MYO1H: variants seen among roughly 807,000 people sequenced by gnomAD.
MYO1H encodes the protein myosin IH.
Under a neutral mutation model 149.3 loss-of-function variants are expected in MYO1H, and 118 were observed. That is an observed-to-expected ratio of 0.79 (90% CI 0.68 to 0.92). MYO1H has a LOEUF of 0.92. Among genes scored for constraint, MYO1H ranks in the 40% least tolerant of loss-of-function variants. The pLI is 0.00. For missense variants in MYO1H, 1,212 were observed against 1,280.7 expected (o/e 0.95, Z 0.82); for synonymous variants, 447 against 465.2 (o/e 0.96, Z 0.50).
At chr12:109,390,211 C>CTT (rs545265874) in intron 2 of MYO1H, among the ~76,000 whole-genome samples, 47 of 139,790 alleles carry the variant, frequency 3.4e-4, no homozygotes, top group African/African-American at 5.2e-4. Context: ...ATCTTTTTTT[C>CTT]TTTTTTTTTT....
intron 1 of MYO1H, among the ~76,000 whole-genome samples, chr12:109,362,249 C>T (rs1259454679): frequency 1.3e-5 from 2 of 152,146 alleles, no homozygotes; most frequent in South Asian, 2.1e-4. Context: ...GGCAGGACTC[C>T]GTTAACTGTG....
intron 19 of MYO1H, among the ~76,000 whole-genome samples, chr12:109,428,691 T>C (rs769223804): frequency 3.3e-5 from 5 of 152,218 alleles, no homozygotes; most frequent in Non-Finnish European, 7.3e-5. Context: ...TTTTCCTGGA[T>C]GTACCTCCTT....
upstream of MYO1H, among the ~76,000 whole-genome samples, chr12:109,345,317 C>A (rs891856617): frequency 1.4e-4 from 21 of 151,974 alleles, no homozygotes; most frequent in African/African-American, 5.1e-4. Flanking sequence ...GACAGTTCTC[C>A]AAAAAAGGTA....
chr12:109,414,904 G>A (rs1462561824), intron 14 of MYO1H, among the ~76,000 whole-genome samples: 3 of 151,910 alleles, frequency 2.0e-5, no homozygotes, highest in African/African-American at 7.3e-5. Flanking sequence ...TAAAGACAGG[G>A]TCTTGCTGTG....
intron 1 of MYO1H, among the ~76,000 whole-genome samples, chr12:109,360,057 C>T (rs1399226015): frequency 1.3e-5 from 2 of 152,086 alleles, no homozygotes; most frequent in Non-Finnish European, 2.9e-5. Context: ...AGCAAGAGGT[C>T]CCAGGAATGG....
exon 32 of MYO1H, chr12:109,447,405 AC>A: frequency 1.7e-6 from 1 of 600,990 alleles, no homozygotes. Context: ...CTGGAAGCAG[AC>A]CCCAGGTCAC....
chr12:109,336,322 C>G, the MYO1H span, among the ~76,000 whole-genome samples: 1 of 152,190 alleles, frequency 6.6e-6, no homozygotes, highest in Non-Finnish European at 1.5e-5. Context: ...CTTCTAACCC[C>G]TGTTAACACC....
chr12:109,383,876 A>G (rs1344278426), intron 1 of MYO1H, among the ~76,000 whole-genome samples: 1 of 152,206 alleles, frequency 6.6e-6, no homozygotes, highest in African/African-American at 2.4e-5. Flanking sequence ...ATTATGTAGA[A>G]GATGATCAGA....
At position 109,445,500 on chromosome 12, in the gene MYO1H, T is replaced by C. The variant is rs532813407; in HGVS notation, c.2994-13T>C. On this transcript the variant is annotated splice_polypyrimidine_tract_variant and intron_variant, in intron 30 of 31. Coordinates refer to ENST00000310903, the Ensembl canonical transcript of MYO1H. Reference sequence around the variant, plus strand: ...ACAGTATGTCAGTAATGTGTCACTTTGTGTATTTTAAGTTTACAGTTTTTT... The same window carrying C: ...ACAGTATGTCAGTAATGTGTCACTTCGTGTATTTTAAGTTTACAGTTTTTT... 1.6e-4 allele frequency: 259 copies of C among 1,582,638 alleles called. 1 individual carries two copies. The highest frequency in any genetic ancestry group is 6.2e-4 in the South Asian group (55 of 88,904).
chr12:109,396,312 T>C, intron 3 of MYO1H, 72 bp from the exon 4 acceptor site: 2 of 1,316,048 alleles, frequency 1.5e-6, no homozygotes, highest in Non-Finnish European at 2.1e-6. Flanking sequence ...CTCATTTTTC[T>C]TCTTTGGTGG....
intron 19 of MYO1H, among the ~76,000 whole-genome samples, chr12:109,429,513 G>A (rs73194241): frequency 0.053 from 8,018 of 152,198 alleles, 301 homozygotes; most frequent in Middle Eastern, 0.085. Context: ...ATAGTATTAG[G>A]TATAATAAGT....
chr12:109,377,504 A>C (rs1031441871), intron 1 of MYO1H, among the ~76,000 whole-genome samples: 1 of 152,200 alleles, frequency 6.6e-6, no homozygotes, highest in Non-Finnish European at 1.5e-5. Flanking sequence ...GATGGAGCCT[A>C]TGACCCAAGC....
chr12:109,365,212 G>C (rs533495195), intron 1 of MYO1H, among the ~76,000 whole-genome samples: 1 of 152,180 alleles, frequency 6.6e-6, no homozygotes, highest in Admixed American at 6.5e-5. Context: ...AGAGTTCAAG[G>C]CTGCAGTGAG....
chr12:109,322,841 A>G, the MYO1H span, among the ~76,000 whole-genome samples: 1 of 147,682 alleles, frequency 6.8e-6, no homozygotes, highest in Admixed American at 6.7e-5. Context: ...AAAAAAAAAA[A>G]ATCACCCCTG....
chr12:109,343,842 G>C (rs991418729), upstream of MYO1H, among the ~76,000 whole-genome samples: 4 of 152,168 alleles, frequency 2.6e-5, 1 homozygote, highest in South Asian at 4.1e-4. Flanking sequence ...TAGCTGACTC[G>C]CTGGGGACTT....
chr12:109,442,333 TC>T, intron 27 of MYO1H, 61 bp downstream of exon 27: 1 of 1,472,036 alleles, frequency 6.8e-7, no homozygotes, highest in Non-Finnish European at 9.5e-7. Flanking sequence ...AAGAGCAGGG[TC>T]CCCTTTCTCC....
chr12:109,407,955 G>A (rs1210920604), intron 10 of MYO1H, 42 bp downstream of exon 10: 3 of 1,579,600 alleles, frequency 1.9e-6, no homozygotes, highest in African/African-American at 3.4e-5. Context: ...TGCTCACGTG[G>A]TGATGTTTTA....
the MYO1H span, among the ~76,000 whole-genome samples, chr12:109,320,861 G>A: frequency 2.0e-5 from 3 of 151,994 alleles, no homozygotes; most frequent in South Asian, 6.2e-4. Flanking sequence ...AGGCCGAGGC[G>A]GGTGGATCAC....
At chr12:109,426,532 T>C (rs114398340) in intron 18 of MYO1H, among the ~76,000 whole-genome samples, 2 of 151,942 alleles carry the variant, frequency 1.3e-5, no homozygotes, top group Non-Finnish European at 2.9e-5. Flanking sequence ...TCTCAAAAAA[T>C]AATAATAATA....
Sources: allele counts gnomAD v4.1 joint callset (sites outside exome capture counted in the v4.1 genomes callset), GRCh38; gene constraint gnomAD v4.1.1; transcripts MANE v1.5; gene names NCBI Gene and HGNC (gene_info 2026-07-23, HGNC 2026-07-21).